EZH2: variants seen among roughly 807,000 people sequenced by gnomAD.
The protein encoded by EZH2 is histone-lysine N-methyltransferase EZH2.
EZH2 carries 18 observed loss-of-function variants against 98.4 expected under a neutral mutation model. The ratio of observed to expected loss-of-function variants is 0.18; its 90% CI spans 0.13 to 0.27. EZH2 has a LOEUF of 0.27. Ranked by LOEUF, EZH2 falls within the 10% of genes least tolerant of loss-of-function variation. The pLI is 1.00. For missense variants in EZH2, 470 were observed against 935.1 expected, an observed-to-expected ratio of 0.50 and a Z score of 6.49; for synonymous variants, 338 against 312.3, an observed-to-expected ratio of 1.08 and a Z score of -0.87.
At chr7:148,817,608 T>C (rs930281667) in intron 10 of EZH2, 12 of 662,226 alleles carry the variant, frequency 1.8e-5, no homozygotes, top group South Asian at 1.4e-4. Flanking sequence ...ATTCCCTACC[T>C]GAGAAAGATC....
intron 5 of EZH2, 140 bp from the exon 6 acceptor site, chr7:148,829,020 G>C: frequency 1.1e-6 from 1 of 871,374 alleles, no homozygotes; most frequent in Non-Finnish European, 1.7e-6. Context: ...GGGAGGAAAA[G>C]ATAAGATCAT....
rs1158413859 is a variant in EZH2, at chr7:148,846,405, CA to C, written c.246+64del. On this transcript the variant is annotated intron_variant, in intron 3 of 19. Transcript: ENST00000320356. ...CAATGATTTCCTCCCAATAACCAAA[CA>C]AATGTTCCAATAGCATAAACCAAAA... 5 of 1,545,586 alleles carry C rather than the reference CA, an allele frequency of 3.2e-6. No homozygotes were observed. In the East Asian group the frequency reaches 1.1e-4, roughly 35 times the overall value.
intron 10 of EZH2, 145 bp from the exon 11 acceptor site, chr7:148,817,536 T>G: frequency 1.3e-6 from 1 of 779,552 alleles, no homozygotes; most frequent in Non-Finnish European, 2.0e-6. Context: ...GTAGTTCACA[T>G]TTTCCAACAA....
At chr7:148,869,338 C>CTTT (rs143589780) in intron 1 of EZH2, among the ~76,000 whole-genome samples, 1,501 of 80,074 alleles carry the variant, frequency 0.019, 1 homozygote, top group African/African-American at 0.067. Flanking sequence ...CAGCAATAGC[C>CTTT]TTTTTTTTTT....
Position 148,837,998 on chromosome 7 carries a change from C to T in EZH2, c.247-5248G>A, listed in dbSNP as rs372941349. Reference sequence around the variant, plus strand: ...TTAACGGTTTCTACATTCCAAGGGGCGGGGAATGATAACACAGCATTTAAC... The same window carrying T: ...TTAACGGTTTCTACATTCCAAGGGGTGGGGAATGATAACACAGCATTTAAC... On this transcript the variant is annotated intron_variant, in intron 3 of 19. Coordinates refer to ENST00000320356, the MANE Select transcript of EZH2 (RefSeq NM_004456.5). Among the ~76,000 whole-genome samples, 7 of 148,624 alleles carry T rather than the reference C, an allele frequency of 4.7e-5. No individual in the cohort carries two copies. The East Asian group carries it at 6.0e-4, about 13-fold the overall frequency.
At chr7:148,824,874 A>G (rs923063811) in intron 8 of EZH2, among the ~76,000 whole-genome samples, 8 of 152,184 alleles carry the variant, frequency 5.3e-5, no homozygotes, top group South Asian at 4.1e-4. Context: ...GAGGCAGCCA[A>G]TTAGCCCCAT....
chr7:148,882,422 C>T (rs1821138400), intron 1 of EZH2, among the ~76,000 whole-genome samples: 1 of 151,948 alleles, frequency 6.6e-6, no homozygotes, highest in Admixed American at 6.5e-5. Context: ...ACCCAACACA[C>T]CTCCGAAAAG....
In EZH2 at chr7:148,883,516, G is replaced by A. The variant is rs1821319646; in HGVS notation, c.-8+648C>T. On this transcript the variant is annotated intron_variant, in intron 1 of 19. Transcript: ENST00000320356. ...CCCCGCCGCGAACGTCGTCCCGCGA[G>A]CGCCGCGGCCCCAGCCCGGGGTCGG... is the stretch of plus-strand genomic sequence containing the variant. 6 of 151,294 alleles carry A rather than the reference G, an allele frequency of 4.0e-5. No individual in the cohort carries two copies. The South Asian group carries it at 1.0e-3, about 26-fold the overall frequency. The allele number at this position is 151,294 out of a possible 1,614,324, so 9.4% of individuals were successfully genotyped here.
chr7:148,831,689 A>T (rs767591419), intron 4 of EZH2, among the ~76,000 whole-genome samples: 2 of 152,260 alleles, frequency 1.3e-5, no homozygotes, highest in Non-Finnish European at 2.9e-5. Flanking sequence ...ACAGAAGAGT[A>T]ACTGAAGTTG....
rs546489906 is a variant in EZH2, at chr7:148,861,751, A to C, written c.-7-14446T>G. Among the ~76,000 whole-genome samples the C allele has an allele frequency of 2.0e-5, 3 of 150,972 alleles. No homozygotes were observed. In the East Asian group the frequency reaches 5.8e-4, roughly 29 times the overall value. On this transcript the variant is annotated intron_variant, in intron 1 of 19. Transcript: ENST00000320356. ...TTTGCGGGGCTGAGGCAGGAGGACC[A>C]CTTGAGCCCAGGAGTTTCAGACCAG...
chr7:148,830,103 A>G (rs938549094), intron 4 of EZH2, among the ~76,000 whole-genome samples: 1 of 152,252 alleles, frequency 6.6e-6, no homozygotes, highest in East Asian at 1.9e-4. Flanking sequence ...GTCATCAATC[A>G]TTAAAACTTA....
At chr7:148,820,811 AATAT>A (rs1471053624) in intron 8 of EZH2, among the ~76,000 whole-genome samples, 16 of 152,194 alleles carry the variant, frequency 1.1e-4, no homozygotes, top group African/African-American at 1.4e-4. Context: ...GTGACAATGA[AATAT>A]ATAGAGAACA....
chr7:148,827,086 G>A lies in EZH2; in HGVS notation c.728+78C>T, dbSNP rs1807934437. ...AGTGTAGTGGCTCATCCGCTACATTGATTCCATTTGTAATAAACCAAAATG... is the reference window on the plus strand; with the variant it reads ...AGTGTAGTGGCTCATCCGCTACATTAATTCCATTTGTAATAAACCAAAATG... On this transcript the variant is annotated intron_variant, in intron 7 of 19. Transcript: ENST00000320356. 5.6e-6 allele frequency: 6 copies of A among 1,068,438 alleles called. No individual in the cohort carries two copies. In the East Asian group the frequency reaches 1.4e-4, roughly 26 times the overall value. The allele number at this position is 1,068,438 out of a possible 1,614,324, so 66.2% of individuals were successfully genotyped here.
chr7:148,820,760 A>T (rs1452326455), intron 8 of EZH2, among the ~76,000 whole-genome samples: 3 of 152,194 alleles, frequency 2.0e-5, no homozygotes, highest in African/African-American at 7.2e-5. Flanking sequence ...GAAGAAAAAA[A>T]TACATAATTT....
At chr7:148,831,411 T>G (rs1463068619) in intron 4 of EZH2, among the ~76,000 whole-genome samples, 2 of 152,212 alleles carry the variant, frequency 1.3e-5, no homozygotes, top group Non-Finnish European at 2.9e-5. Context: ...TTAGATATTT[T>G]GTCTTTTCAA....
intron 3 of EZH2, among the ~76,000 whole-genome samples, chr7:148,838,295 A>C (rs910370464): frequency 2.6e-5 from 4 of 152,026 alleles, no homozygotes; most frequent in African/African-American, 9.7e-5. Flanking sequence ...GAGGAAATTT[A>C]GATCCTTAAA....
chr7:148,882,015 T>C (rs1310694788), intron 1 of EZH2, among the ~76,000 whole-genome samples: 1 of 149,916 alleles, frequency 6.7e-6, no homozygotes, highest in Non-Finnish European at 1.5e-5. Context: ...TATCCTAAAA[T>C]ATCCGAATTT....
At chr7:148,863,436 T>G (rs1473390567) in intron 1 of EZH2, among the ~76,000 whole-genome samples, 1 of 152,072 alleles carries the variant, frequency 6.6e-6, no homozygotes, top group Non-Finnish European at 1.5e-5. Flanking sequence ...GAGACTAATA[T>G]CTACTAAAAT....
intron 1 of EZH2, among the ~76,000 whole-genome samples, chr7:148,877,016 C>T (rs1205333173): frequency 6.6e-6 from 1 of 151,970 alleles, no homozygotes; most frequent in Non-Finnish European, 1.5e-5. Flanking sequence ...AAAATAATGA[C>T]TTAGAAGAGT....
Sources: gnomAD v4.1 joint callset for allele counts (sites outside exome capture counted in the v4.1 genomes callset) on GRCh38, gnomAD v4.1.1 for gene constraint, MANE v1.5 for transcripts, NCBI Gene and HGNC (gene_info 2026-07-23, HGNC 2026-07-21) for gene names.